TMEM132C: variants seen among roughly 807,000 people sequenced by gnomAD.
The protein encoded by TMEM132C is transmembrane protein 132C.
A neutral mutation model predicts 61.4 loss-of-function variants in TMEM132C; 29 were observed. That is an observed-to-expected ratio of 0.47 (90% CI 0.35 to 0.64). The LOEUF (loss-of-function observed/expected upper bound fraction) is 0.64, where lower values mean the gene tolerates loss of function less well. TMEM132C is among the 30% of genes least tolerant of loss of function. The pLI is 0.00. For missense variants in TMEM132C, 1,408 were observed against 1,476.9 expected, an observed-to-expected ratio of 0.95 and a Z score of 0.76; for synonymous variants, 656 against 633.1, an observed-to-expected ratio of 1.04 and a Z score of -0.54.
Position 128,551,215 on chromosome 12 carries a change from C to G in TMEM132C, c.1121+7112C>G, listed in dbSNP as rs184826117. Among the ~76,000 whole-genome samples, 274 of 151,392 alleles carry G rather than the reference C, an allele frequency of 1.8e-3. 3 individuals carry two copies. The highest frequency in any genetic ancestry group is 3.1e-3 in the Non-Finnish European group (214 of 67,978). ...GACTCTCAGAAACATAAGAGCCCCCCCCCTCCCGCTTCCTCCCCTGGTGAA... is the reference window on the plus strand; with the variant it reads ...GACTCTCAGAAACATAAGAGCCCCCGCCCTCCCGCTTCCTCCCCTGGTGAA... On this transcript the variant is annotated intron_variant, in intron 3 of 8. Coordinates refer to ENST00000435159, the MANE Select transcript of TMEM132C (RefSeq NM_001136103.3).
intron 2 of TMEM132C, among the ~76,000 whole-genome samples, chr12:128,465,968 G>A (rs1224471018): frequency 1.3e-5 from 2 of 152,224 alleles, no homozygotes; most frequent in East Asian, 3.9e-4. Flanking sequence ...GAGGTTGAAG[G>A]GGCCTCCAAA....
chr12:128,497,367 G>A (rs565625436), intron 2 of TMEM132C, among the ~76,000 whole-genome samples: 7 of 152,350 alleles, frequency 4.6e-5, no homozygotes, highest in Non-Finnish European at 1.0e-4. Flanking sequence ...CTGTCAGACA[G>A]GGACATTTAA....
At chr12:128,694,225 G>A (rs1954740335) in intron 6 of TMEM132C, among the ~76,000 whole-genome samples, 191 bp downstream of exon 6, 1 of 152,144 alleles carries the variant, frequency 6.6e-6, no homozygotes, top group South Asian at 2.1e-4. Context: ...CAGGTTGTCC[G>A]CACTCTACAC....
chr12:128,521,319 A>ATG (rs1555229471), intron 2 of TMEM132C, among the ~76,000 whole-genome samples: 278 of 21,654 alleles, frequency 0.013, no homozygotes, highest in African/African-American at 0.018. Context: ...ATATATATAT[A>ATG]TGTGTGTGTG....
intron 2 of TMEM132C, among the ~76,000 whole-genome samples, chr12:128,444,879 A>G (rs1869922939): frequency 1.3e-5 from 2 of 152,194 alleles, no homozygotes; most frequent in South Asian, 4.1e-4. Context: ...TCTTAAGTCA[A>G]GACCAAAGAA....
chr12:128,449,164 A>G (rs536061597), intron 2 of TMEM132C, among the ~76,000 whole-genome samples: 1 of 150,464 alleles, frequency 6.6e-6, no homozygotes, highest in South Asian at 2.1e-4. Context: ...AAAAAAAGAA[A>G]TTTTATTTAG....
At chr12:128,400,020 T>C (rs1342570278) in intron 1 of TMEM132C, 4 of 152,180 alleles carry the variant, frequency 2.6e-5, no homozygotes, top group Admixed American at 6.5e-5. Context: ...TTACGGAAAA[T>C]AGTATGCTGA....
At chr12:128,474,168 C>T (rs2136084425) in intron 2 of TMEM132C, among the ~76,000 whole-genome samples, 1 of 152,294 alleles carries the variant, frequency 6.6e-6, no homozygotes, top group East Asian at 1.9e-4. Flanking sequence ...TGCTGAGTCC[C>T]ACCCCAGAGC....
chr12:128,386,640 G>C (rs568623511), intron 1 of TMEM132C, among the ~76,000 whole-genome samples: 6 of 152,318 alleles, frequency 3.9e-5, no homozygotes, highest in Admixed American at 1.3e-4. Context: ...TGTTCTACAC[G>C]TGTGACAGGC....
rs570368468 is a variant in TMEM132C, at chr12:128,705,220, G to C, written c.2252G>C (p.Arg751Pro). ...DEAVVSVPQP[R>P]SPRWPVVVAE... The stretch of plus-strand genomic sequence containing the variant: ...GCTGTCGTGTCAGTCCCCCAGCCCC[G>C]CTCTCCCAGGTGGCCCGTTGTGGTG... Residue 751 changes from arginine to proline, a missense_variant, in exon 9 of 9, where the codon CGC (arginine) becomes CCC (proline). Physicochemically the swap from Arg to Pro is moderately radical, Grantham distance 103 (BLOSUM62 -2). Coordinates refer to ENST00000435159, the MANE Select transcript of TMEM132C (RefSeq NM_001136103.3). The C allele has an allele frequency of 1.5e-4, 239 of 1,551,518 alleles. No individual in the cohort carries two copies. Among genetic ancestry groups the C allele is most frequent in the Non-Finnish European group, 1.9e-4 (219 of 1,147,004 alleles).
chr12:128,545,408 A>C (rs536997193), intron 3 of TMEM132C, among the ~76,000 whole-genome samples: 19 of 152,348 alleles, frequency 1.2e-4, no homozygotes, highest in African/African-American at 4.3e-4. Flanking sequence ...TATTGTGAAC[A>C]GTGCTGCAAT....
chr12:128,291,984 G>T (rs1273994080), intron 1 of TMEM132C, among the ~76,000 whole-genome samples: 1 of 152,142 alleles, frequency 6.6e-6, no homozygotes, highest in Non-Finnish European at 1.5e-5. Flanking sequence ...GGTGGCCTTG[G>T]CCCCTGGAAA....
chr12:128,506,585 C>G (rs1872368582), intron 2 of TMEM132C, among the ~76,000 whole-genome samples: 1 of 152,076 alleles, frequency 6.6e-6, no homozygotes, highest in Non-Finnish European at 1.5e-5. Flanking sequence ...GTAACATTAC[C>G]CTAGGCCATT....
intron 3 of TMEM132C, among the ~76,000 whole-genome samples, chr12:128,556,210 G>T (rs1280886569): frequency 6.6e-6 from 1 of 152,080 alleles, no homozygotes; most frequent in Non-Finnish European, 1.5e-5. Context: ...AATGGTGAAG[G>T]GGCTTCTCCA....
At position 128,382,802 on chromosome 12, in the gene TMEM132C, CT is replaced by C. The variant is rs371136003; in HGVS notation, c.86-31928del. Among the ~76,000 whole-genome samples the C allele has an allele frequency of 1.4e-4, 21 of 152,284 alleles. No individual in the cohort carries two copies. The East Asian group carries it at 3.5e-3, about 25-fold the overall frequency. On this transcript the variant is annotated intron_variant, in intron 1 of 8. Transcript: ENST00000435159. The stretch of plus-strand genomic sequence containing the variant: ...CTAAAACACATAAAAGAGTGATCCT[CT>C]TGGTCTATGTTTCTGAGTGTTATGT...
chr12:128,445,197 T>TAA lies in TMEM132C; in HGVS notation c.974+29587_974+29588dup, dbSNP rs5801797. Among the ~76,000 whole-genome samples the TAA allele has an allele frequency of 3.7e-3, 550 of 148,556 alleles. 1 individual carries two copies. The highest frequency in any genetic ancestry group is 3.1e-3 in the African/African-American group (127 of 40,732). ...GCATAGAAAAAGTTAAAATGTTACA[T>TAA]AAAAAAAAAAACTACAACTTTTTTC... is the stretch of plus-strand genomic sequence containing the variant. On this transcript the variant is annotated intron_variant, in intron 2 of 8. Coordinates refer to ENST00000435159, the MANE Select transcript of TMEM132C (RefSeq NM_001136103.3).
At chr12:128,626,984 A>G (rs370307918) in intron 4 of TMEM132C, among the ~76,000 whole-genome samples, 271 of 152,202 alleles carry the variant, frequency 1.8e-3, no homozygotes, top group African/African-American at 6.3e-3. Flanking sequence ...TCTCCCTAGT[A>G]AGCACCTACT....
At chr12:128,378,600 G>A (rs76076540) in intron 1 of TMEM132C, among the ~76,000 whole-genome samples, 6,092 of 152,198 alleles carry the variant, frequency 0.04, 160 homozygotes, top group South Asian at 0.086. Flanking sequence ...GTCTTTCTCC[G>A]CACGTGAGCC....
At chr12:128,431,657 C>A (rs938012537) in intron 2 of TMEM132C, among the ~76,000 whole-genome samples, 2 of 147,360 alleles carry the variant, frequency 1.4e-5, no homozygotes, top group Non-Finnish European at 3.0e-5. Context: ...CGGGTTCAAG[C>A]GATTCTCCTA....
Sources: gnomAD v4.1 joint callset for allele counts (sites outside exome capture counted in the v4.1 genomes callset) on GRCh38, gnomAD v4.1.1 for gene constraint, MANE v1.5 for transcripts, NCBI Gene and HGNC (gene_info 2026-07-23, HGNC 2026-07-21) for gene names.